The following LRP1B variants were observed in gnomAD, a reference collection of about 807,000 sequenced individuals.
LRP1B encodes the protein LDL receptor related protein 1B.
In LRP1B, 217 loss-of-function variants were observed where a neutral mutation model predicts 556.6. The observed-to-expected ratio is 0.39, with a 90% CI of 0.35 to 0.44. The LOEUF (loss-of-function observed/expected upper bound fraction) is 0.44, where lower values mean the gene tolerates loss of function less well. Among genes scored for constraint, LRP1B ranks in the 20% least tolerant of loss-of-function variants. The pLI is 1.00. For missense variants in LRP1B, 5,053 were observed against 5,620.8 expected, an observed-to-expected ratio of 0.90 and a Z score of 3.23; for synonymous variants, 2,047 against 1,865.8, an observed-to-expected ratio of 1.10 and a Z score of -2.50.
chr2:140,762,618 T>A (rs1290336723), intron 35 of LRP1B, among the ~76,000 whole-genome samples: 5 of 140,818 alleles, frequency 3.6e-5, no homozygotes, highest in Non-Finnish European at 7.4e-5. Context: ...CAATTAGTTA[T>A]TTTTTTCACC....
At chr2:142,040,342 A>T (rs187435867) in intron 1 of LRP1B, among the ~76,000 whole-genome samples, 1 of 151,388 alleles carries the variant, frequency 6.6e-6, no homozygotes, top group African/African-American at 2.4e-5. Flanking sequence ...AAAGAGAAAA[A>T]TGATTCTGAA....
intron 35 of LRP1B, among the ~76,000 whole-genome samples, chr2:140,733,501 T>C (rs916741271): frequency 4.6e-5 from 7 of 152,144 alleles, no homozygotes; most frequent in African/African-American, 1.4e-4. Flanking sequence ...TTAAACAAAC[T>C]GGTGTACTCA....
At chr2:141,280,673 C>T (rs904354021) in intron 3 of LRP1B, among the ~76,000 whole-genome samples, 1 of 151,906 alleles carries the variant, frequency 6.6e-6, no homozygotes, top group Non-Finnish European at 1.5e-5. Flanking sequence ...AAAATAACTG[C>T]TACCTAGCAA....
At chr2:141,118,711 A>G (rs1700967921) in intron 7 of LRP1B, among the ~76,000 whole-genome samples, 1 of 151,944 alleles carries the variant, frequency 6.6e-6, no homozygotes, top group African/African-American at 2.4e-5. Context: ...TAACTGTCAC[A>G]ATAATCTAGT....
At chr2:141,216,830 T>C (rs1209446423) in intron 6 of LRP1B, among the ~76,000 whole-genome samples, 1 of 152,180 alleles carries the variant, frequency 6.6e-6, no homozygotes, top group Non-Finnish European at 1.5e-5. Flanking sequence ...AATGGGAATG[T>C]TTACTCATCC....
At chr2:140,305,015 A>G in intron 83 of LRP1B, among the ~76,000 whole-genome samples, 1 of 152,004 alleles carries the variant, frequency 6.6e-6, no homozygotes, top group Admixed American at 6.6e-5. Context: ...ATTGGTCTAT[A>G]TCTCTGTTTT....
chr2:140,516,333 A>G (rs1376290592), intron 50 of LRP1B, among the ~76,000 whole-genome samples: 1 of 152,076 alleles, frequency 6.6e-6, no homozygotes, highest in Non-Finnish European at 1.5e-5. Flanking sequence ...ACAATAATTA[A>G]CATAATATTT....
intron 3 of LRP1B, among the ~76,000 whole-genome samples, chr2:141,425,185 T>G (rs1386570844): frequency 1.3e-5 from 2 of 151,948 alleles, no homozygotes; most frequent in Non-Finnish European, 1.5e-5. Context: ...TTTTCTGTCC[T>G]TGCGATAGTT....
At position 140,648,501 on chromosome 2, in the gene LRP1B, A is replaced by G. The variant is rs540894448; in HGVS notation, c.6800-46862T>C. ...AATAAACATGGTACTGAGTTGTGAA[A>G]TACTGTGGAGAATGTGAGGAGGGGT... On this transcript the variant is annotated intron_variant, in intron 41 of 90. Coordinates refer to ENST00000389484, the MANE Select transcript of LRP1B (RefSeq NM_018557.3). 1.7e-4 allele frequency among the ~76,000 whole-genome samples: 26 copies of G among 152,204 alleles called. No individual in the cohort carries two copies. In the South Asian group the frequency reaches 4.4e-3, roughly 26 times the overall value.
intron 1 of LRP1B, among the ~76,000 whole-genome samples, chr2:141,822,136 G>C (rs375952695): frequency 4.8e-5 from 7 of 144,822 alleles, no homozygotes; most frequent in East Asian, 2.1e-4. Flanking sequence ...CACACAGAGA[G>C]AGAGAGAGAG....
intron 1 of LRP1B, among the ~76,000 whole-genome samples, chr2:141,911,146 G>A (rs1178412951): frequency 6.6e-6 from 1 of 151,932 alleles, no homozygotes. Flanking sequence ...ATATATTTAT[G>A]CTTACTGTTC....
intron 7 of LRP1B, among the ~76,000 whole-genome samples, chr2:141,084,541 G>A (rs1488403126): frequency 6.6e-6 from 1 of 152,076 alleles, no homozygotes; most frequent in Non-Finnish European, 1.5e-5. Flanking sequence ...TGTGGTCTCA[G>A]ATTCAGAAGG....
chr2:141,708,482 G>A (rs1199139900), intron 2 of LRP1B, among the ~76,000 whole-genome samples: 3 of 152,184 alleles, frequency 2.0e-5, no homozygotes, highest in East Asian at 1.9e-4. Context: ...CACACATACC[G>A]ACACATGCTT....
chr2:140,392,595 C>T (rs1209495002), intron 66 of LRP1B, among the ~76,000 whole-genome samples: 1 of 151,890 alleles, frequency 6.6e-6, no homozygotes, highest in East Asian at 1.9e-4. Flanking sequence ...TCAAGCAATT[C>T]TCTTGCCTCA....
At chr2:141,859,307 C>A (rs573148406) in intron 1 of LRP1B, among the ~76,000 whole-genome samples, 1 of 152,170 alleles carries the variant, frequency 6.6e-6, no homozygotes, top group Non-Finnish European at 1.5e-5. Context: ...CAGCATCACT[C>A]CCTTTGTCTT....
chr2:141,859,200 T>C (rs1360441172), intron 1 of LRP1B, among the ~76,000 whole-genome samples: 1 of 152,220 alleles, frequency 6.6e-6, no homozygotes, highest in Non-Finnish European at 1.5e-5. Context: ...ATATTCCTAA[T>C]ATCTATCATG....
At chr2:140,907,242 T>C (rs1392053808) in intron 22 of LRP1B, among the ~76,000 whole-genome samples, 1 of 152,082 alleles carries the variant, frequency 6.6e-6, no homozygotes, top group Non-Finnish European at 1.5e-5. Context: ...ATCTCTGATC[T>C]CCCGGAAGAG....
intron 41 of LRP1B, among the ~76,000 whole-genome samples, chr2:140,683,178 G>A (rs1327731256): frequency 6.6e-6 from 1 of 151,942 alleles, no homozygotes; most frequent in East Asian, 1.9e-4. Context: ...GCATTCCAAG[G>A]AGGATCCCAT....
At chr2:141,735,871 G>GA (rs1553456551) in intron 2 of LRP1B, among the ~76,000 whole-genome samples, 1 of 151,786 alleles carries the variant, frequency 6.6e-6, no homozygotes, top group Admixed American at 6.6e-5. Context: ...GGAGCTGTTT[G>GA]AAAAAAAGGT....
Sources: gnomAD v4.1 joint callset for allele counts (sites outside exome capture counted in the v4.1 genomes callset) on GRCh38, gnomAD v4.1.1 for gene constraint, MANE v1.5 for transcripts, NCBI Gene and HGNC (gene_info 2026-07-23, HGNC 2026-07-21) for gene names.